The following ATP8B1 variants were observed in gnomAD, a reference collection of about 807,000 sequenced individuals.
ATP8B1 encodes ATPase phospholipid transporting 8B1.
Under a neutral mutation model 149.9 loss-of-function variants are expected in ATP8B1, and 80 were observed. That is an observed-to-expected ratio of 0.53 (90% CI 0.45 to 0.64). The LOEUF (loss-of-function observed/expected upper bound fraction) is 0.64, where lower values mean the gene tolerates loss of function less well. Ranked by LOEUF, ATP8B1 falls within the 30% of genes least tolerant of loss-of-function variation. The probability of loss-of-function intolerance (pLI) is 0.00; values close to 1 mark genes in which losing one functional copy is unlikely to be tolerated. For missense variants in ATP8B1, 1,247 were observed against 1,552.6 expected, an observed-to-expected ratio of 0.80 and a Z score of 3.31; for synonymous variants, 536 against 562.8, an observed-to-expected ratio of 0.95 and a Z score of 0.67.
intron 22 of ATP8B1, among the ~76,000 whole-genome samples, chr18:57,655,914 G>A (rs2122593651): frequency 6.6e-6 from 1 of 152,282 alleles, no homozygotes; most frequent in Non-Finnish European, 1.5e-5. Context: ...TTGCAGCTAG[G>A]CTCTTTGTGA....
At chr18:57,737,963 C>T (rs1394748685) in intron 1 of ATP8B1, 1 of 152,250 alleles carries the variant, frequency 6.6e-6, no homozygotes, top group Admixed American at 6.5e-5. Context: ...GAAATGTCCT[C>T]AACTCGACTT....
At chr18:57,676,287 G>A (rs2122759474) in intron 15 of ATP8B1, among the ~76,000 whole-genome samples, 1 of 151,938 alleles carries the variant, frequency 6.6e-6, no homozygotes, top group South Asian at 2.1e-4. Context: ...TCAGCTTCCT[G>A]AGTAGTTGGG....
intron 1 of ATP8B1, among the ~76,000 whole-genome samples, chr18:57,741,644 G>A (rs902018698): frequency 8.5e-5 from 13 of 152,222 alleles, no homozygotes; most frequent in Non-Finnish European, 1.5e-4. Context: ...ATAAATGCGT[G>A]TTGGTTTAAG....
At chr18:57,714,181 G>A (rs1913886777) in intron 2 of ATP8B1, among the ~76,000 whole-genome samples, 1 of 152,208 alleles carries the variant, frequency 6.6e-6, no homozygotes, top group Admixed American at 6.5e-5. Context: ...TGGTGGACAT[G>A]GGGAGAGGCC....
At chr18:57,712,799 C>G (rs1481833014) in intron 2 of ATP8B1, among the ~76,000 whole-genome samples, 1 of 151,746 alleles carries the variant, frequency 6.6e-6, no homozygotes, top group East Asian at 1.9e-4. Flanking sequence ...TCTTGGATAC[C>G]AGCTCAGCCA....
intron 15 of ATP8B1, among the ~76,000 whole-genome samples, chr18:57,680,809 A>G (rs1465268455): frequency 6.6e-6 from 1 of 151,696 alleles, no homozygotes; most frequent in Non-Finnish European, 1.5e-5. Flanking sequence ...CCTGCTCCAG[A>G]CTCTCACACC....
intron 1 of ATP8B1, among the ~76,000 whole-genome samples, chr18:57,744,447 CTG>C (rs377408266): frequency 1.9e-3 from 284 of 151,836 alleles, no homozygotes; most frequent in African/African-American, 6.7e-3. Context: ...AAATAAAAGA[CTG>C]GGGCTGGTTC....
chr18:57,669,327 T>C lies in ATP8B1; in HGVS notation c.2088A>G (p.Lys696=). 6.2e-7 allele frequency: 1 copy of C among 1,600,454 alleles called. No individual in the cohort carries two copies. Among genetic ancestry groups the C allele is most frequent in the African/African-American group, 1.3e-5 (1 of 74,352 alleles). ...TAAGGCTAAAACTCACAATTAAGTC[T>C]TTTTCAATCTCCTCATATACTTTAT... The part of the protein sequence containing the change: ...ALDKVYEEIE[K]DLILLGATAI... Residue 696 remains lysine, a synonymous_variant, in exon 18 of 28, where the codon AAA becomes AAG. Transcript: ENST00000648908.
chr18:57,702,382 T>A (rs1208494147), intron 4 of ATP8B1, among the ~76,000 whole-genome samples: 1 of 152,200 alleles, frequency 6.6e-6, no homozygotes, highest in Non-Finnish European at 1.5e-5. Flanking sequence ...GCTCTATCAT[T>A]TATGGCTTAT....
intron 1 of ATP8B1, among the ~76,000 whole-genome samples, chr18:57,775,435 GA>G (rs1320418139): frequency 6.6e-6 from 1 of 151,834 alleles, no homozygotes; most frequent in Non-Finnish European, 1.5e-5. Flanking sequence ...AGGAAAGACA[GA>G]AGAAGGAAGA....
At chr18:57,743,845 G>T (rs550098541) in intron 1 of ATP8B1, among the ~76,000 whole-genome samples, 1 of 152,260 alleles carries the variant, frequency 6.6e-6, no homozygotes, top group South Asian at 2.1e-4. Context: ...CTGACAGGGG[G>T]AAGGGTGACT....
chr18:57,703,247 C>A (rs1913217032), intron 4 of ATP8B1, among the ~76,000 whole-genome samples: 1 of 152,034 alleles, frequency 6.6e-6, no homozygotes, highest in African/African-American at 2.4e-5. Flanking sequence ...GCAGGTATAA[C>A]TTTTCCAAAT....
chr18:57,775,593 A>G (rs72931757), intron 1 of ATP8B1, among the ~76,000 whole-genome samples: 35,616 of 151,548 alleles, frequency 0.24, 4,464 homozygotes, highest in South Asian at 0.31. Flanking sequence ...TACCTAGAGC[A>G]AGAGATTCTG....
In ATP8B1 at chr18:57,799,380, G is replaced by A. The variant is rs550799254; in HGVS notation, c.-26+3618C>T. Among the ~76,000 whole-genome samples, 6 of 152,288 alleles carry A rather than the reference G, an allele frequency of 3.9e-5. No homozygotes were observed. The South Asian group carries it at 1.2e-3, about 32-fold the overall frequency. The stretch of plus-strand genomic sequence containing the variant: ...AAGTATCAAAGAAAGTACCAATATG[G>A]CCTTAAAGATTCAGATGATAAAAAG... On this transcript the variant is annotated intron_variant, in intron 1 of 27. Coordinates refer to ENST00000648908, the MANE Select transcript of ATP8B1 (RefSeq NM_001374385.1).
At chr18:57,778,261 T>C (rs2123404034) in intron 1 of ATP8B1, among the ~76,000 whole-genome samples, 1 of 150,400 alleles carries the variant, frequency 6.6e-6, no homozygotes, top group African/African-American at 2.4e-5. Context: ...AGTCTCGCTC[T>C]GTCGCCCAGG....
At chr18:57,674,716 ATCTCCC>A in intron 16 of ATP8B1, 112 bp downstream of exon 16, 1 of 1,199,576 alleles carries the variant, frequency 8.3e-7, no homozygotes, top group East Asian at 2.4e-5. Flanking sequence ...AGCTGCAGAA[ATCTCCC>A]AGGAGCCAAG....
At position 57,783,888 on chromosome 18, in the gene ATP8B1, C is replaced by T. The variant is rs1053222032; in HGVS notation, c.-26+19110G>A. Reference sequence around the variant, plus strand: ...TTAAGCATTGAAGAAAACACAGAAGCCGTCTCCTCTACCATACATCGAAGG... The same window carrying T: ...TTAAGCATTGAAGAAAACACAGAAGTCGTCTCCTCTACCATACATCGAAGG... On this transcript the variant is annotated intron_variant, in intron 1 of 27. Transcript: ENST00000648908. 2.6e-5 allele frequency among the ~76,000 whole-genome samples: 4 copies of T among 152,118 alleles called. No homozygotes were observed. The East Asian group carries it at 7.7e-4, about 29-fold the overall frequency.
rs192150378 is a variant in ATP8B1, at chr18:57,742,570, A to G, written c.-25-10738T>C. Among the ~76,000 whole-genome samples, 600 of 152,158 alleles carry G rather than the reference A, an allele frequency of 3.9e-3. 3 individuals carry two copies. The highest frequency in any genetic ancestry group is 0.013 in the African/African-American group (557 of 41,518). On this transcript the variant is annotated intron_variant, in intron 1 of 27. Transcript: ENST00000648908. The stretch of plus-strand genomic sequence containing the variant: ...TGGCTGCCTGGGTGTGGTGGCTCAC[A>G]CCTGTAATCCCAGCACTTTGGGAAG...
intron 1 of ATP8B1, among the ~76,000 whole-genome samples, chr18:57,767,934 T>C (rs934438518): frequency 3.9e-5 from 6 of 152,198 alleles, no homozygotes; most frequent in Admixed American, 2.0e-4. Context: ...GCAACTGGTT[T>C]GGGTCTTCAC....
Sources: allele counts gnomAD v4.1 joint callset (sites outside exome capture counted in the v4.1 genomes callset), GRCh38; gene constraint gnomAD v4.1.1; transcripts MANE v1.5; gene names NCBI Gene and HGNC (gene_info 2026-07-23, HGNC 2026-07-21).